GRIK2: variants seen among roughly 807,000 people sequenced by gnomAD.
GRIK2 encodes glutamate receptor ionotropic, kainate 2.
A neutral mutation model predicts 100.3 loss-of-function variants in GRIK2; 32 were observed. The observed-to-expected ratio is 0.32, with a 90% CI of 0.24 to 0.43. The LOEUF (loss-of-function observed/expected upper bound fraction) is 0.43. Among genes scored for constraint, GRIK2 ranks in the 20% least tolerant of loss-of-function variants. The pLI, the probability that GRIK2 is intolerant of heterozygous loss-of-function variation, is 1.00. For synonymous variants in GRIK2, 417 were observed against 389.4 expected (o/e 1.07, Z -0.83); for missense variants, 843 against 1,114.9 (o/e 0.76, Z 3.47).
intron 7 of GRIK2, among the ~76,000 whole-genome samples, chr6:101,798,753 T>C (rs4839801): frequency 0.67 from 101,300 of 151,806 alleles, 34,900 homozygotes; most frequent in East Asian, 1. Flanking sequence ...TGGCTGTCTT[T>C]TCTAGGTAGT....
chr6:101,752,282 T>C (rs1776840096), intron 7 of GRIK2, among the ~76,000 whole-genome samples: 1 of 152,218 alleles, frequency 6.6e-6, no homozygotes, highest in Non-Finnish European at 1.5e-5. Context: ...ATTTTGACTC[T>C]GACCTGTTTC....
At chr6:101,462,620 T>C (rs917346277) in intron 2 of GRIK2, among the ~76,000 whole-genome samples, 1 of 152,242 alleles carries the variant, frequency 6.6e-6, no homozygotes, top group South Asian at 2.1e-4. Flanking sequence ...TCTGCTTTTA[T>C]CTGTGCTCCT....
At chr6:101,707,564 GTATA>G (rs1309086719) in intron 7 of GRIK2, among the ~76,000 whole-genome samples, 1 of 97,452 alleles carries the variant, frequency 1.0e-5, no homozygotes, top group African/African-American at 6.1e-5. Flanking sequence ...GTATATATAT[GTATA>G]TATGTGTATG....
chr6:101,413,626 A>C (rs535941694), intron 2 of GRIK2, among the ~76,000 whole-genome samples: 8 of 152,136 alleles, frequency 5.3e-5, no homozygotes, highest in Admixed American at 1.3e-4. Context: ...TTTGTTCTGA[A>C]TGGCATCAAG....
At chr6:101,724,295 A>C (rs189631587) in intron 7 of GRIK2, among the ~76,000 whole-genome samples, 1 of 151,814 alleles carries the variant, frequency 6.6e-6, no homozygotes, top group South Asian at 2.1e-4. Context: ...CATCACCCAG[A>C]TAGTAAACAT....
At chr6:101,614,850 A>G (rs781551356) in intron 2 of GRIK2, among the ~76,000 whole-genome samples, 1 of 151,796 alleles carries the variant, frequency 6.6e-6, no homozygotes, top group Non-Finnish European at 1.5e-5. Flanking sequence ...CTCAGAGGTT[A>G]GATGTGACGT....
chr6:101,975,114 G>C (rs568848822), intron 14 of GRIK2, among the ~76,000 whole-genome samples: 2 of 151,888 alleles, frequency 1.3e-5, no homozygotes, highest in African/African-American at 4.8e-5. Flanking sequence ...TCCACAGAGT[G>C]AGTTATAGAA....
intron 12 of GRIK2, among the ~76,000 whole-genome samples, chr6:101,898,624 G>C (rs776093700): frequency 6.6e-5 from 10 of 151,352 alleles, no homozygotes; most frequent in Admixed American, 1.3e-4. Context: ...TATAAAGCTA[G>C]TCTCTGGAAA....
intron 2 of GRIK2, among the ~76,000 whole-genome samples, chr6:101,589,113 G>A (rs1030459132): frequency 6.6e-6 from 1 of 152,094 alleles, no homozygotes; most frequent in Non-Finnish European, 1.5e-5. Context: ...GTGGAGTGGA[G>A]GGGGCTGCGA....
At chr6:101,790,993 A>G (rs367691220) in intron 7 of GRIK2, among the ~76,000 whole-genome samples, 4 of 151,448 alleles carry the variant, frequency 2.6e-5, no homozygotes, top group African/African-American at 7.3e-5. Context: ...GTTTATTTGC[A>G]TAGAGGTGTT....
intron 2 of GRIK2, among the ~76,000 whole-genome samples, chr6:101,547,487 A>T (rs1263057297): frequency 1.3e-5 from 2 of 152,166 alleles, no homozygotes; most frequent in Non-Finnish European, 2.9e-5. Flanking sequence ...ACCCCACAAC[A>T]GGACCCAGTC....
At chr6:101,701,577 G>A (rs1226414868) in intron 7 of GRIK2, among the ~76,000 whole-genome samples, 2 of 152,044 alleles carry the variant, frequency 1.3e-5, no homozygotes, top group South Asian at 2.1e-4. Context: ...AAGACTGTGA[G>A]ATGTCTTTAA....
chr6:101,778,554 A>G (rs914971402), intron 7 of GRIK2, among the ~76,000 whole-genome samples: 3 of 152,214 alleles, frequency 2.0e-5, no homozygotes, highest in Non-Finnish European at 2.9e-5. Flanking sequence ...CCTGGAAAAT[A>G]CTAGGTTCTA....
chr6:101,452,229 T>C (rs924694580), intron 2 of GRIK2, among the ~76,000 whole-genome samples: 1 of 151,768 alleles, frequency 6.6e-6, no homozygotes, highest in African/African-American at 2.4e-5. Flanking sequence ...GTATTGATAA[T>C]CAGCATAGTA....
chr6:101,965,831 A>T (rs545208526), intron 14 of GRIK2, among the ~76,000 whole-genome samples: 1 of 152,200 alleles, frequency 6.6e-6, no homozygotes, highest in African/African-American at 2.4e-5. Flanking sequence ...ATAATAACTA[A>T]TTGGAGAAAA....
rs1270762611 is a variant in GRIK2 at position 101,524,818 on chromosome 6, G to A, written c.116-97131G>A. 6.0e-5 allele frequency among the ~76,000 whole-genome samples: 9 copies of A among 149,468 alleles called. 1 individual carries two copies. In the South Asian group the frequency reaches 1.5e-3, roughly 25 times the overall value. The stretch of plus-strand genomic sequence containing the variant: ...GTGATCTTGGCTCACTGCAACTTCC[G>A]CCTCCTGGGTTCAAACGATTCTCCA... On this transcript the variant is annotated intron_variant, in intron 2 of 16. Coordinates refer to ENST00000369134, the MANE Select transcript of GRIK2 (RefSeq NM_021956.5).
At chr6:101,551,899 C>T (rs1256173481) in intron 2 of GRIK2, among the ~76,000 whole-genome samples, 2 of 152,070 alleles carry the variant, frequency 1.3e-5, no homozygotes, top group Admixed American at 1.3e-4. Flanking sequence ...GATATGGTGG[C>T]AATAATTATG....
chr6:101,422,571 A>T (rs1394064544), intron 2 of GRIK2, among the ~76,000 whole-genome samples: 1 of 152,190 alleles, frequency 6.6e-6, no homozygotes, highest in East Asian at 1.9e-4. Context: ...CAGATCTGTT[A>T]AAGAAAAACT....
At chr6:101,980,502 G>C (rs1010993025) in intron 14 of GRIK2, among the ~76,000 whole-genome samples, 1 of 151,848 alleles carries the variant, frequency 6.6e-6, no homozygotes, top group Non-Finnish European at 1.5e-5. Context: ...TACAACCTTT[G>C]CTCTTATCTC....
Sources: gnomAD v4.1 joint callset for allele counts (sites outside exome capture counted in the v4.1 genomes callset) on GRCh38, gnomAD v4.1.1 for gene constraint, MANE v1.5 for transcripts, NCBI Gene and HGNC (gene_info 2026-07-23, HGNC 2026-07-21) for gene names.